ARB2A: variants seen among roughly 807,000 people sequenced by gnomAD.
ARB2A encodes ARB2 cotranscriptional regulator A.
chr5:94,060,078 G>A, the ARB2A span, among the ~76,000 whole-genome samples: 1 of 152,008 alleles, frequency 6.6e-6, no homozygotes. Context: ...ACAAGAAAGG[G>A]GCCAGGCGCA....
the ARB2A span, among the ~76,000 whole-genome samples, chr5:94,075,602 A>G: frequency 6.6e-6 from 1 of 152,164 alleles, no homozygotes. Context: ...ATGAAATTAT[A>G]TAAAAACTAC....
At chr5:93,878,509 CTCCTGGGGCAGG>C in the ARB2A span, among the ~76,000 whole-genome samples, 5 of 151,946 alleles carry the variant, frequency 3.3e-5, no homozygotes. Flanking sequence ...ATAGCTCCTG[CTCCTGGGGCAGG>C]GTCCTCAGAC....
the ARB2A span, among the ~76,000 whole-genome samples, chr5:94,002,184 C>G: frequency 2.0e-5 from 3 of 151,996 alleles, no homozygotes. Flanking sequence ...ACAAGTTAGG[C>G]TTGGTTAACT....
At chr5:93,839,629 T>C in the ARB2A span, among the ~76,000 whole-genome samples, 1 of 152,256 alleles carries the variant, frequency 6.6e-6, no homozygotes, top group South Asian at 2.1e-4. Context: ...CTGATAGAAT[T>C]TGGCTGTAGA....
chr5:94,053,388 G>A, the ARB2A span, among the ~76,000 whole-genome samples: 1 of 151,988 alleles, frequency 6.6e-6, no homozygotes, highest in Admixed American at 6.6e-5. Flanking sequence ...ACTATATTAT[G>A]ATCAAGCACA....
the ARB2A span, among the ~76,000 whole-genome samples, chr5:94,071,786 A>G: frequency 6.6e-6 from 1 of 152,112 alleles, no homozygotes; most frequent in Non-Finnish European, 1.5e-5. Context: ...TGGTACAGCC[A>G]CTCTGGAAAA....
chr5:93,800,066 T>C, the ARB2A span, among the ~76,000 whole-genome samples: 1 of 152,018 alleles, frequency 6.6e-6, no homozygotes, highest in Non-Finnish European at 1.5e-5. Context: ...AATGCACATA[T>C]CTATTTCTCT....
chr5:94,005,963 A>C, the ARB2A span, among the ~76,000 whole-genome samples: 1 of 152,214 alleles, frequency 6.6e-6, no homozygotes, highest in African/African-American at 2.4e-5. Flanking sequence ...CACTCTGGAA[A>C]ACACTTTGGC....
the ARB2A span, among the ~76,000 whole-genome samples, chr5:93,758,340 A>T: frequency 6.6e-6 from 1 of 152,208 alleles, no homozygotes; most frequent in South Asian, 2.1e-4. Flanking sequence ...ACAGGTCATC[A>T]CGACAGAAAG....
At chr5:93,725,400 T>C in the ARB2A span, among the ~76,000 whole-genome samples, 1 of 152,030 alleles carries the variant, frequency 6.6e-6, no homozygotes, top group Non-Finnish European at 1.5e-5. Context: ...AACAAAGTTA[T>C]TTCAGAAATG....
chr5:93,987,299 A>G, the ARB2A span, among the ~76,000 whole-genome samples: 1 of 152,202 alleles, frequency 6.6e-6, no homozygotes, highest in Non-Finnish European at 1.5e-5. Flanking sequence ...GAAGAAAGAA[A>G]GAAACATAAA....
At chr5:93,788,899 G>A in the ARB2A span, among the ~76,000 whole-genome samples, 1 of 151,994 alleles carries the variant, frequency 6.6e-6, no homozygotes, top group South Asian at 2.1e-4. Flanking sequence ...CTCTAAATTG[G>A]GATGGCTTCA....
chr5:93,964,419 T>A, the ARB2A span: 1 of 1,394,882 alleles, frequency 7.2e-7, no homozygotes, highest in African/African-American at 1.5e-5. Flanking sequence ...GAAATAAACA[T>A]TTCATTTGAA....
At chr5:93,723,712 G>A in the ARB2A span, among the ~76,000 whole-genome samples, 19 of 151,872 alleles carry the variant, frequency 1.3e-4, no homozygotes, top group African/African-American at 4.4e-4. Context: ...AAAAATACTT[G>A]GCCCATGAAA....
chr5:93,763,084 G>A, the ARB2A span, among the ~76,000 whole-genome samples: 1 of 152,144 alleles, frequency 6.6e-6, no homozygotes, highest in Non-Finnish European at 1.5e-5. Flanking sequence ...ACCAGCCACT[G>A]CAAAAACATG....
At chr5:93,708,607 A>C in the ARB2A span, among the ~76,000 whole-genome samples, 8 of 152,116 alleles carry the variant, frequency 5.3e-5, no homozygotes, top group African/African-American at 1.9e-4. Context: ...TGCTGATCTG[A>C]CAGGAGGCGG....
the ARB2A span, among the ~76,000 whole-genome samples, chr5:93,873,380 GAAA>G: frequency 6.9e-4 from 10 of 14,554 alleles, no homozygotes; most frequent in African/African-American, 1.3e-3. Flanking sequence ...GAAAGGAAAG[GAAA>G]GGAAGGGGAA....
At chr5:93,816,382 T>C in the ARB2A span, among the ~76,000 whole-genome samples, 7 of 152,248 alleles carry the variant, frequency 4.6e-5, no homozygotes, top group Admixed American at 4.6e-4. Flanking sequence ...TTAAGATCTT[T>C]TATAATACCA....
chr5:93,996,845 A>C, the ARB2A span, among the ~76,000 whole-genome samples: 1 of 152,028 alleles, frequency 6.6e-6, no homozygotes, highest in South Asian at 2.1e-4. Context: ...CTTCTACTGT[A>C]AGTCTTCTAC....
Sources: gnomAD v4.1 joint callset for allele counts (sites outside exome capture counted in the v4.1 genomes callset) on GRCh38, gnomAD v4.1.1 for gene constraint, MANE v1.5 for transcripts, NCBI Gene and HGNC (gene_info 2026-07-23, HGNC 2026-07-21) for gene names.